The following CCDC57 variants were observed in gnomAD, a reference collection of about 807,000 sequenced individuals.
CCDC57 encodes the protein coiled-coil domain containing 57, also known as coiled-coil domain-containing protein 57.
A neutral mutation model predicts 118.9 loss-of-function variants in CCDC57; 118 were observed. That is an observed-to-expected ratio of 0.99 (90% CI 0.86 to 1.16). The LOEUF is 1.16. Ranked by LOEUF, CCDC57 falls within the 50% of genes most tolerant of loss-of-function variation. CCDC57 has a pLI of 0.00. For missense variants in CCDC57, 1,300 were observed against 1,320.7 expected (o/e 0.98, Z 0.24); for synonymous variants, 527 against 532.9 (o/e 0.99, Z 0.15).
At chr17:82,105,668 G>A in intron 19 of CCDC57, among the ~76,000 whole-genome samples, 1 of 152,120 alleles carries the variant, frequency 6.6e-6, no homozygotes, top group East Asian at 1.9e-4. Context: ...GGCTGCCTTT[G>A]TGGGACTGAG....
In CCDC57 at chr17:82,172,621, T is replaced by G; in HGVS notation, c.1729+17A>C. ...CCCCTTCCTCTCCCGCTCTGTCCGTTTCTCCCACTTACTCACCAGGAGTGG... is the reference window on the plus strand; with the variant it reads ...CCCCTTCCTCTCCCGCTCTGTCCGTGTCTCCCACTTACTCACCAGGAGTGG... On this transcript the variant is annotated intron_variant, in intron 12 of 19. Transcript: ENST00000665763. The surrounding 1 kb of genome is among the most constrained non-coding windows in gnomAD (Gnocchi z 5.2). The G allele has an allele frequency of 6.5e-7, 1 of 1,547,514 alleles. No homozygotes were observed. Among genetic ancestry groups the G allele is most frequent in the Non-Finnish European group, 8.7e-7 (1 of 1,144,792 alleles).
At chr17:82,147,918 G>A (rs1330900903) in intron 16 of CCDC57, among the ~76,000 whole-genome samples, 1 of 72,820 alleles carries the variant, frequency 1.4e-5, no homozygotes, top group African/African-American at 5.4e-5. Flanking sequence ...GTGGATGGAT[G>A]GTAGATGGAT....
At chr17:82,186,504 C>T (rs1377636206) in intron 8 of CCDC57, among the ~76,000 whole-genome samples, 1 of 152,138 alleles carries the variant, frequency 6.6e-6, no homozygotes, top group East Asian at 1.9e-4. Context: ...CCATGCATGG[C>T]GTCTTCAACC....
intron 19 of CCDC57, chr17:82,126,695 C>T (rs781382764): frequency 2.2e-5 from 22 of 985,454 alleles, no homozygotes; most frequent in Admixed American, 6.1e-5. Flanking sequence ...GTCCACCACA[C>T]GTGGCACGCG....
chr17:82,206,335 C>T (rs899819510), intron 2 of CCDC57, among the ~76,000 whole-genome samples: 2 of 152,354 alleles, frequency 1.3e-5, no homozygotes, highest in Admixed American at 6.5e-5. Context: ...TGGCTCATAA[C>T]TCTCACACGT....
intron 17 of CCDC57, among the ~76,000 whole-genome samples, chr17:82,133,438 A>AC (rs2038714163): frequency 6.8e-6 from 1 of 147,328 alleles, no homozygotes; most frequent in African/African-American, 2.5e-5. Flanking sequence ...TCTCAAAAAA[A>AC]AAAAAAAAAA....
At chr17:82,147,016 G>A (rs1403119947) in intron 16 of CCDC57, among the ~76,000 whole-genome samples, 20 of 152,224 alleles carry the variant, frequency 1.3e-4, no homozygotes, top group Admixed American at 1.3e-3. Flanking sequence ...CCAGATTTGG[G>A]CCTGGCGACA....
At chr17:82,141,935 G>A (rs942363074) in intron 16 of CCDC57, among the ~76,000 whole-genome samples, 1 of 152,134 alleles carries the variant, frequency 6.6e-6, no homozygotes, top group Non-Finnish European at 1.5e-5. Flanking sequence ...GCTGCTTTGC[G>A]ATTTTACCAC....
intron 4 of CCDC57, among the ~76,000 whole-genome samples, chr17:82,196,975 C>G (rs1204759451): frequency 7.3e-5 from 10 of 137,476 alleles, no homozygotes; most frequent in African/African-American, 2.5e-4. Flanking sequence ...GACGCAGCCC[C>G]TCGTGACTCC....
intron 13 of CCDC57, among the ~76,000 whole-genome samples, chr17:82,164,888 G>A (rs892431458): frequency 2.0e-5 from 3 of 152,100 alleles, no homozygotes; most frequent in Non-Finnish European, 4.4e-5. Context: ...TTTAGAAAAC[G>A]GAAAAATAGA....
At chr17:82,198,055 G>A (rs987548593) in intron 4 of CCDC57, among the ~76,000 whole-genome samples, 3 of 152,168 alleles carry the variant, frequency 2.0e-5, no homozygotes, top group Non-Finnish European at 4.4e-5. Flanking sequence ...CCTATTGCCT[G>A]TTTCCCTGGA....
At chr17:82,115,013 C>T (rs1397516116) in intron 19 of CCDC57, among the ~76,000 whole-genome samples, 1 of 152,218 alleles carries the variant, frequency 6.6e-6, no homozygotes, top group African/African-American at 2.4e-5. Context: ...ACCACTGCCC[C>T]CACTCCACGA....
chr17:82,145,508 C>T (rs1364657736), intron 16 of CCDC57, among the ~76,000 whole-genome samples: 1 of 152,014 alleles, frequency 6.6e-6, no homozygotes, highest in Non-Finnish European at 1.5e-5. Context: ...GATCGCACCA[C>T]TGCACTCCAG....
intron 19 of CCDC57, among the ~76,000 whole-genome samples, chr17:82,108,276 TGA>T (rs2035007114): frequency 1.3e-5 from 2 of 152,330 alleles, no homozygotes; most frequent in South Asian, 4.1e-4. Flanking sequence ...GGAGTTGTGC[TGA>T]GAGAGCACCT....
intron 13 of CCDC57, among the ~76,000 whole-genome samples, chr17:82,168,159 T>G (rs185531904): frequency 6.6e-6 from 1 of 152,334 alleles, no homozygotes; most frequent in Non-Finnish European, 1.5e-5. Context: ...GGTTGACAGT[T>G]TTTTGCTTTC....
intron 19 of CCDC57, chr17:82,113,570 C>A (rs1384384985): frequency 5.6e-6 from 4 of 717,548 alleles, no homozygotes; most frequent in Non-Finnish European, 1.0e-5. Context: ...ATTCATTCCC[C>A]CTCGCATTCC....
intron 19 of CCDC57, among the ~76,000 whole-genome samples, chr17:82,108,424 A>G (rs991188443): frequency 6.6e-6 from 1 of 152,226 alleles, no homozygotes; most frequent in African/African-American, 2.4e-5. Context: ...CTGCATATTT[A>G]TAGCAGGGTC....
Position 82,142,501 on chromosome 17 carries a change from T to C in CCDC57, c.2456-8307A>G, listed in dbSNP as rs1352714986. Among the ~76,000 whole-genome samples, 35 of 151,960 alleles carry C rather than the reference T, an allele frequency of 2.3e-4. 1 individual carries two copies. The highest frequency in any genetic ancestry group is 1.0e-4 in the Non-Finnish European group (7 of 68,006). On this transcript the variant is annotated intron_variant, in intron 16 of 19. Coordinates refer to ENST00000665763, the Ensembl canonical transcript of CCDC57. ...CTAATTTTTATATTTTTAGTAGAGA[T>C]GGGGATTTCACTGTGTTGGCCAGGT...
intron 5 of CCDC57, among the ~76,000 whole-genome samples, chr17:82,194,990 C>A (rs2048128600): frequency 6.6e-6 from 1 of 152,388 alleles, no homozygotes; most frequent in Admixed American, 6.5e-5. Flanking sequence ...GTGATGCCCA[C>A]CACGGGCAGG....
Sources: gnomAD v4.1 joint callset for allele counts (sites outside exome capture counted in the v4.1 genomes callset) on GRCh38, gnomAD v4.1.1 for gene constraint, Gnocchi (gnomAD v3.1) non-coding constraint, MANE v1.5 for transcripts, NCBI Gene and HGNC (gene_info 2026-07-23, HGNC 2026-07-21) for gene names.